The following RYR1 variants were observed in gnomAD, a reference collection of about 807,000 sequenced individuals.
RYR1 encodes the protein ryanodine receptor 1.
A neutral mutation model predicts 583.5 loss-of-function variants in RYR1; 342 were observed. The ratio of observed to expected loss-of-function variants is 0.59; its 90% CI spans 0.54 to 0.64. The LOEUF is 0.64. Ranked by LOEUF, RYR1 falls within the 30% of genes least tolerant of loss-of-function variation. RYR1 has a pLI of 0.00. For missense variants in RYR1, 6,032 were observed against 6,917.2 expected, an observed-to-expected ratio of 0.87 and a Z score of 4.54; for synonymous variants, 2,791 against 2,822.5, an observed-to-expected ratio of 0.99 and a Z score of 0.35.
intron 76 of RYR1, among the ~76,000 whole-genome samples, chr19:38,530,852 G>A (rs1971700369): frequency 6.6e-6 from 1 of 151,860 alleles, no homozygotes; most frequent in Non-Finnish European, 1.5e-5. Flanking sequence ...GCCCAGGCTG[G>A]AGTGCAATGG....
Position 38,564,918 on chromosome 19 carries a change from C to A in RYR1, c.12625-41C>A, listed in dbSNP as rs756230040. 3 of 1,549,410 alleles carry A rather than the reference C, an allele frequency of 1.9e-6. No individual in the cohort carries two copies. In the Admixed American group the frequency reaches 5.8e-5, roughly 30 times the overall value. On this transcript the variant is annotated intron_variant, in intron 90 of 105. Transcript: ENST00000359596. ...GCGCTGTCGCTGCTGTCCGAGCCCC[C>A]GCTGACGGCGCCCTATCCTGTCTGC...
intron 7 of RYR1, 136 bp from the exon 8 acceptor site, chr19:38,446,336 G>C: frequency 1.4e-6 from 1 of 714,962 alleles, no homozygotes; most frequent in Non-Finnish European, 2.5e-6. Flanking sequence ...CTGAAACTCA[G>C]ACCTCCAACT....
At chr19:38,569,224 A>C (rs1973599246) in intron 93 of RYR1, among the ~76,000 whole-genome samples, 2 of 152,154 alleles carry the variant, frequency 1.3e-5, no homozygotes, top group South Asian at 4.1e-4. Flanking sequence ...GTTAGCCAGA[A>C]TGGCCTAGAT....
intron 49 of RYR1, 128 bp downstream of exon 49, chr19:38,503,098 G>A (rs1252474772): frequency 4.6e-6 from 4 of 863,084 alleles, no homozygotes; most frequent in South Asian, 1.4e-5. Flanking sequence ...TTAGGGCAGC[G>A]TCCCCGTAGA....
chr19:38,446,599 G>C, intron 8 of RYR1, 34 bp downstream of exon 8: 1 of 1,607,320 alleles, frequency 6.2e-7, no homozygotes, highest in Admixed American at 1.7e-5. Context: ...CTGGGGTCTA[G>C]GGGTGGACGT....
At chr19:38,584,404 G>C (rs1247569572) in intron 101 of RYR1, among the ~76,000 whole-genome samples, 1 of 116,308 alleles carries the variant, frequency 8.6e-6, no homozygotes, top group African/African-American at 3.4e-5. Context: ...CTCTCAGCCT[G>C]TACCCTCCAT....
intron 89 of RYR1, among the ~76,000 whole-genome samples, chr19:38,557,287 C>T (rs1972922104): frequency 6.6e-6 from 1 of 152,198 alleles, no homozygotes; most frequent in Admixed American, 6.5e-5. Context: ...TCAGGCACTG[C>T]CCTGGTCCTG....
chr19:38,467,915 C>T, intron 25 of RYR1, 103 bp downstream of exon 25: 1 of 1,016,498 alleles, frequency 9.8e-7, no homozygotes. Context: ...GTCCCCACTT[C>T]ATGCATCTAC....
rs966640779 is a variant in RYR1 at position 38,433,929 on chromosome 19, G to T, written c.45+55G>T. On this transcript the variant is annotated intron_variant, in intron 1 of 105. Coordinates refer to ENST00000359596, the MANE Select transcript of RYR1 (RefSeq NM_000540.3). ...GGCTATCTCTTGGGGCTCTCTGAGG[G>T]TCTCTCTGTCTCTGAATGTCCCTGT... 2.1e-6 allele frequency: 3 copies of T among 1,456,516 alleles called. No individual in the cohort carries two copies. The Admixed American group carries it at 5.0e-5, about 24-fold the overall frequency. The allele number at this position is 1,456,516 out of a possible 1,614,324, so 90.2% of individuals were successfully genotyped here.
chr19:38,495,586 AT>A (rs1314736989), intron 39 of RYR1, among the ~76,000 whole-genome samples: 1 of 151,990 alleles, frequency 6.6e-6, no homozygotes, highest in Non-Finnish European at 1.5e-5. Flanking sequence ...GGCTCAAGTG[AT>A]CCTCCTGCCT....
At chr19:38,563,368 G>C (rs1030841893) in intron 90 of RYR1, among the ~76,000 whole-genome samples, 1 of 152,186 alleles carries the variant, frequency 6.6e-6, no homozygotes, top group East Asian at 1.9e-4. Flanking sequence ...GGGTTCAAGC[G>C]GTTTTCCTGT....
intron 97 of RYR1, 29 bp downstream of exon 97, chr19:38,575,990 G>T: frequency 6.2e-7 from 1 of 1,613,732 alleles, no homozygotes; most frequent in East Asian, 2.2e-5. Context: ...CCTGGGTCCT[G>T]GATTGGGTCC....
chr19:38,573,942 G>A (rs1325555395), intron 96 of RYR1, among the ~76,000 whole-genome samples: 1 of 151,826 alleles, frequency 6.6e-6, no homozygotes, highest in Admixed American at 6.6e-5. Flanking sequence ...TGCAATGAGT[G>A]CAAAATAAAA....
chr19:38,578,104 T>G (rs373682556), intron 98 of RYR1, 40 bp from the exon 99 acceptor site: 5 of 1,612,482 alleles, frequency 3.1e-6, no homozygotes, highest in Non-Finnish European at 4.2e-6. Flanking sequence ...GTGACTGGAG[T>G]CTGACACTCA....
At chr19:38,475,168 C>A in intron 28 of RYR1, 150 bp from the exon 29 acceptor site, 3 of 1,044,162 alleles carry the variant, frequency 2.9e-6, no homozygotes, top group Non-Finnish European at 4.2e-6. Flanking sequence ...ATGGATTAGT[C>A]TGGGGTAGGT....
chr19:38,518,242 A>G (rs140869938), intron 66 of RYR1, among the ~76,000 whole-genome samples: 174 of 152,062 alleles, frequency 1.1e-3, no homozygotes, highest in African/African-American at 4.0e-3. Flanking sequence ...GGATCCTCAA[A>G]GCGTTAGGTT....
intron 81 of RYR1, chr19:38,535,722 C>T (rs1355833898): frequency 1.7e-5 from 10 of 592,230 alleles, no homozygotes; most frequent in Non-Finnish European, 3.0e-5. Context: ...CCTTTATTCA[C>T]CTCTTGCTGC....
chr19:38,575,680 G>A (rs567897941), intron 96 of RYR1, among the ~76,000 whole-genome samples: 1 of 152,284 alleles, frequency 6.6e-6, no homozygotes, highest in South Asian at 2.1e-4. Flanking sequence ...GTGGGCGCCT[G>A]TAATCCCAGC....
At chr19:38,492,466 T>C in intron 37 of RYR1, 24 bp from the exon 38 acceptor site, 1 of 1,613,814 alleles carries the variant, frequency 6.2e-7, no homozygotes, top group Non-Finnish European at 8.5e-7. Context: ...GAATGACATT[T>C]CCCGCCTTCT....
Sources: allele counts gnomAD v4.1 joint callset (sites outside exome capture counted in the v4.1 genomes callset), GRCh38; gene constraint gnomAD v4.1.1; transcripts MANE v1.5; gene names NCBI Gene and HGNC (gene_info 2026-07-23, HGNC 2026-07-21).